CDH6: variants seen among roughly 807,000 people sequenced by gnomAD.
The protein encoded by CDH6 is cadherin 6, also known as cadherin-6.
CDH6 carries 31 observed loss-of-function variants against 78.0 expected under a neutral mutation model. The observed-to-expected ratio is 0.40, with a 90% CI of 0.30 to 0.54. CDH6 has a LOEUF of 0.54. Among genes scored for constraint, CDH6 ranks in the 20% least tolerant of loss-of-function variants. The probability of loss-of-function intolerance (pLI) is 0.56; values close to 1 mark genes in which losing one functional copy is unlikely to be tolerated. For missense variants in CDH6, 724 were observed against 975.9 expected (o/e 0.74, Z 3.44); for synonymous variants, 376 against 368.8 (o/e 1.02, Z -0.23).
chr5:31,312,109 G>A (rs952797354), intron 7 of CDH6, among the ~76,000 whole-genome samples: 2 of 152,138 alleles, frequency 1.3e-5, no homozygotes, highest in African/African-American at 4.8e-5. Flanking sequence ...AGTGATGTAA[G>A]TGATTCTGTC....
intron 1 of CDH6, among the ~76,000 whole-genome samples, chr5:31,248,486 T>G (rs1741820030): frequency 6.6e-6 from 1 of 152,248 alleles, no homozygotes; most frequent in African/African-American, 2.4e-5. Context: ...TTCTATTTCA[T>G]GACAGCCTTC....
intron 2 of CDH6, among the ~76,000 whole-genome samples, chr5:31,293,442 C>T (rs1467737909): frequency 6.6e-6 from 1 of 151,966 alleles, no homozygotes; most frequent in East Asian, 1.9e-4. Flanking sequence ...AGGAGGTTGC[C>T]AAGCTTCCCT....
intron 1 of CDH6, among the ~76,000 whole-genome samples, chr5:31,221,809 TA>T (rs1237895046): frequency 6.6e-6 from 1 of 152,220 alleles, no homozygotes. Flanking sequence ...GGTTGTAGAA[TA>T]TTACACATGA....
intron 1 of CDH6, among the ~76,000 whole-genome samples, chr5:31,205,982 C>A (rs919682219): frequency 6.6e-6 from 1 of 152,150 alleles, no homozygotes; most frequent in Non-Finnish European, 1.5e-5. Context: ...GGGAACAGAA[C>A]AATTAAGCAA....
At chr5:31,269,347 T>G (rs575215355) in intron 2 of CDH6, among the ~76,000 whole-genome samples, 11 of 151,958 alleles carry the variant, frequency 7.2e-5, no homozygotes, top group African/African-American at 2.4e-4. Flanking sequence ...AAGAATCAGT[T>G]TTACAATTAT....
At chr5:31,197,885 A>G (rs1740213291) in intron 1 of CDH6, among the ~76,000 whole-genome samples, 1 of 152,142 alleles carries the variant, frequency 6.6e-6, no homozygotes, top group Admixed American at 6.5e-5. Context: ...TAACTGGTCT[A>G]CTTTTTTAAG....
intron 5 of CDH6, among the ~76,000 whole-genome samples, chr5:31,301,771 T>A (rs560694599): frequency 6.6e-6 from 1 of 152,238 alleles, no homozygotes; most frequent in Non-Finnish European, 1.5e-5. Context: ...TCTTCTCTAC[T>A]CTTTCTGTTA....
At chr5:31,304,578 G>A (rs745491246) in intron 6 of CDH6, among the ~76,000 whole-genome samples, 5 of 151,750 alleles carry the variant, frequency 3.3e-5, no homozygotes, top group South Asian at 2.1e-4. Flanking sequence ...CCAGCTACTC[G>A]GGAGGCTGAG....
intron 2 of CDH6, among the ~76,000 whole-genome samples, chr5:31,279,439 C>T (rs1451656536): frequency 6.6e-6 from 1 of 151,918 alleles, no homozygotes; most frequent in African/African-American, 2.4e-5. Context: ...ATTAGCCAGG[C>T]GTGGTGGCAT....
chr5:31,267,199 A>C (rs1044898516), intron 1 of CDH6, 147 bp from the exon 2 acceptor site: 3 of 440,284 alleles, frequency 6.8e-6, no homozygotes, highest in African/African-American at 5.8e-5. Flanking sequence ...TGTCTGGAAG[A>C]CCGTCTCCTT....
chr5:31,317,597 ATCTTT>A (rs1050006403), intron 10 of CDH6, 71 bp from the exon 11 acceptor site: 1 of 1,558,202 alleles, frequency 6.4e-7, no homozygotes, highest in Non-Finnish European at 8.7e-7. Context: ...ATCTATATCT[ATCTTT>A]TCTTATCACA....
chr5:31,323,334 A>G lies in CDH6; in HGVS notation c.*26A>G. On this transcript the variant is annotated 3_prime_UTR_variant, in exon 12 of 12. Transcript: ENST00000265071. Reference sequence around the variant, plus strand: ...TCTGTTGCCTTTTTCATTTTCCAATACGACACTGAAATATGTGAAGTGGCT... The same window carrying G: ...TCTGTTGCCTTTTTCATTTTCCAATGCGACACTGAAATATGTGAAGTGGCT... 6.3e-7 allele frequency: 1 copy of G among 1,590,384 alleles called. No homozygotes were observed. The highest frequency in any genetic ancestry group is 8.6e-7 in the Non-Finnish European group (1 of 1,164,192).
chr5:31,225,884 A>G (rs1288197711), intron 1 of CDH6, among the ~76,000 whole-genome samples: 2 of 152,216 alleles, frequency 1.3e-5, no homozygotes. Flanking sequence ...TGAATAGCAC[A>G]GAGGTTAAAT....
chr5:31,216,329 G>A (rs1352330450), intron 1 of CDH6, among the ~76,000 whole-genome samples: 2 of 151,976 alleles, frequency 1.3e-5, no homozygotes, highest in Admixed American at 1.3e-4. Flanking sequence ...GCCAAATCCA[G>A]CCACTGCCTG....
chr5:31,205,404 G>A (rs569604630), intron 1 of CDH6, among the ~76,000 whole-genome samples: 1 of 152,232 alleles, frequency 6.6e-6, no homozygotes, highest in East Asian at 1.9e-4. Flanking sequence ...TTTCAATAAC[G>A]GAGCCACCAG....
At chr5:31,216,362 A>G (rs1740863318) in intron 1 of CDH6, among the ~76,000 whole-genome samples, 1 of 152,136 alleles carries the variant, frequency 6.6e-6, no homozygotes, top group African/African-American at 2.4e-5. Flanking sequence ...CTGCAGGCTG[A>G]AAATGGTTTG....
chr5:31,204,083 G>C (rs1740446708), intron 1 of CDH6, among the ~76,000 whole-genome samples: 1 of 152,220 alleles, frequency 6.6e-6, no homozygotes, highest in Non-Finnish European at 1.5e-5. Flanking sequence ...TTACCTGGAA[G>C]AAAATTGCAT....
chr5:31,229,188 G>A (rs1177927046), intron 1 of CDH6, among the ~76,000 whole-genome samples: 1 of 152,184 alleles, frequency 6.6e-6, no homozygotes, highest in Non-Finnish European at 1.5e-5. Flanking sequence ...GTCCGATCAA[G>A]GTGAAGAGAC....
At chr5:31,260,430 G>T (rs1376121047) in intron 1 of CDH6, among the ~76,000 whole-genome samples, 1 of 152,054 alleles carries the variant, frequency 6.6e-6, no homozygotes, top group Non-Finnish European at 1.5e-5. Flanking sequence ...CCCCACATGT[G>T]GTAGAAAAAC....
Sources: gnomAD v4.1 joint callset for allele counts (sites outside exome capture counted in the v4.1 genomes callset) on GRCh38, gnomAD v4.1.1 for gene constraint, MANE v1.5 for transcripts, NCBI Gene and HGNC (gene_info 2026-07-23, HGNC 2026-07-21) for gene names.